The following TNIK variants were observed in gnomAD, a reference collection of about 807,000 sequenced individuals.
The protein encoded by TNIK is TRAF2 and NCK-interacting protein kinase.
In TNIK, 49 loss-of-function variants were observed where a neutral mutation model predicts 191.3. The observed-to-expected ratio is 0.26, with a 90% CI of 0.20 to 0.32. The LOEUF is 0.32. Ranked by LOEUF, TNIK falls within the 10% of genes least tolerant of loss-of-function variation. TNIK has a pLI of 1.00. For missense variants in TNIK, 1,155 were observed against 1,702.3 expected, an observed-to-expected ratio of 0.68 and a Z score of 5.66; for synonymous variants, 594 against 600.9, an observed-to-expected ratio of 0.99 and a Z score of 0.17.
chr3:171,109,687 T>C (rs1725544573), intron 19 of TNIK, among the ~76,000 whole-genome samples: 1 of 152,216 alleles, frequency 6.6e-6, no homozygotes. Flanking sequence ...AAAGTACTGG[T>C]CTTCATCACT....
At chr3:171,396,371 A>T (rs1720255586) in intron 1 of TNIK, among the ~76,000 whole-genome samples, 1 of 152,174 alleles carries the variant, frequency 6.6e-6, no homozygotes, top group African/African-American at 2.4e-5. Context: ...TGGACATTGT[A>T]TTGTTTCTGT....
At chr3:171,244,150 C>T (rs1210630322) in intron 2 of TNIK, among the ~76,000 whole-genome samples, 11 of 151,604 alleles carry the variant, frequency 7.3e-5, no homozygotes, top group East Asian at 1.9e-4. Context: ...CTGCAAGCTC[C>T]GCCTCCCGGG....
intron 1 of TNIK, among the ~76,000 whole-genome samples, chr3:171,434,415 T>C (rs1725759958): frequency 6.6e-6 from 1 of 151,830 alleles, no homozygotes; most frequent in South Asian, 2.1e-4. Context: ...ATGACAAGGT[T>C]GTCCCTGTCA....
Position 171,372,955 on chromosome 3 carries a change from G to T in TNIK, c.58-3270C>A, listed in dbSNP as rs1004699370. ...AAGGAGGGGGCTCTTTGAAACCCTA[G>T]ATATGGAAGTCAGAGGTATTATTCA... On this transcript the variant is annotated intron_variant, in intron 1 of 32. Coordinates refer to ENST00000436636, the MANE Select transcript of TNIK (RefSeq NM_015028.4). 1.6e-4 allele frequency among the ~76,000 whole-genome samples: 24 copies of T among 152,288 alleles called. No individual in the cohort carries two copies. In the East Asian group the frequency reaches 2.3e-3, roughly 15 times the overall value.
chr3:171,104,961 A>G (rs1488594207), intron 21 of TNIK, among the ~76,000 whole-genome samples: 2 of 149,668 alleles, frequency 1.3e-5, no homozygotes, highest in East Asian at 3.8e-4. Flanking sequence ...TTGTGCCAAC[A>G]GAGAAAACCC....
At chr3:171,190,247 G>A (rs904844147) in intron 6 of TNIK, among the ~76,000 whole-genome samples, 1 of 152,172 alleles carries the variant, frequency 6.6e-6, no homozygotes, top group Non-Finnish European at 1.5e-5. Flanking sequence ...TTGCACGGGA[G>A]CCCAAGGTAA....
chr3:171,283,189 G>A (rs16856109), intron 2 of TNIK, among the ~76,000 whole-genome samples: 9,077 of 148,664 alleles, frequency 0.061, 319 homozygotes, highest in Middle Eastern at 0.12. Flanking sequence ...CTCATGTAAT[G>A]TTAGCAACTG....
chr3:171,412,185 G>A (rs966272341), intron 1 of TNIK, among the ~76,000 whole-genome samples: 4 of 152,168 alleles, frequency 2.6e-5, no homozygotes, highest in African/African-American at 9.7e-5. Flanking sequence ...ATGACAGGCA[G>A]ACATCAAGTT....
At chr3:171,155,014 T>C (rs949362015) in intron 12 of TNIK, among the ~76,000 whole-genome samples, 2 of 152,218 alleles carry the variant, frequency 1.3e-5, no homozygotes, top group Admixed American at 1.3e-4. Flanking sequence ...AGGGCTTCCT[T>C]AGAAACCCTC....
Position 171,334,874 on chromosome 3 carries a change from TC to T in TNIK, c.123+34745del, listed in dbSNP as rs1458647923. Among the ~76,000 whole-genome samples the T allele has an allele frequency of 7.9e-4, 73 of 92,150 alleles. No individual in the cohort carries two copies. In the East Asian group the frequency reaches 0.01, roughly 13 times the overall value. 60.5% of individuals were successfully genotyped at this position (92,150 alleles called of 152,430 possible). On this transcript the variant is annotated intron_variant, in intron 2 of 32. Transcript: ENST00000436636. ...CCTGTATAGTTGATCTTTATAAGTT[TC>T]TTTTTTTTTTTTTTACCATAAACTG... is the stretch of plus-strand genomic sequence containing the variant.
intron 1 of TNIK, among the ~76,000 whole-genome samples, chr3:171,428,885 C>T (rs1038584727): frequency 6.6e-6 from 1 of 152,286 alleles, no homozygotes; most frequent in Admixed American, 6.5e-5. Context: ...ACACAGCATC[C>T]TCTGAATTCT....
At chr3:171,212,168 CCT>C (rs1740911783) in intron 3 of TNIK, among the ~76,000 whole-genome samples, 1 of 152,060 alleles carries the variant, frequency 6.6e-6, no homozygotes. Context: ...CATGGTGTCC[CCT>C]GTCTGTACCC....
rs762300815 is a variant in TNIK at position 171,161,362 on chromosome 3, T to C, written c.950-26A>G. 6.8e-6 allele frequency: 11 copies of C among 1,606,018 alleles called. No individual in the cohort carries two copies. In the Admixed American group the frequency reaches 1.7e-4, roughly 25 times the overall value. ...CTGAAGAAAGATCCCAGCATGTTAG[T>C]GCACAAAAAGATGCTATGGCTCAGT... On this transcript the variant is annotated intron_variant, in intron 10 of 32. Transcript: ENST00000436636.
rs1577410236 is a variant in TNIK, at chr3:171,304,589, A to G, written c.123+65031T>C. Among the ~76,000 whole-genome samples, 5 of 152,348 alleles carry G rather than the reference A, an allele frequency of 3.3e-5. No homozygotes were observed. In the South Asian group the frequency reaches 1.0e-3, roughly 32 times the overall value. On this transcript the variant is annotated intron_variant, in intron 2 of 32. Transcript: ENST00000436636. ...TGTTTATTGCGGCACTATTCACAATAGCAAAGACTTGGAACCAACCCAAAT... is the reference window on the plus strand; with the variant it reads ...TGTTTATTGCGGCACTATTCACAATGGCAAAGACTTGGAACCAACCCAAAT...
At chr3:171,085,277 A>G (rs1721201786) in intron 24 of TNIK, 48 bp from the exon 25 acceptor site, 5 of 1,503,366 alleles carry the variant, frequency 3.3e-6, no homozygotes, top group Non-Finnish European at 3.6e-6. Flanking sequence ...ATACTGCAGG[A>G]ATAACAATGC....
intron 7 of TNIK, among the ~76,000 whole-genome samples, chr3:171,188,271 C>T (rs920401825): frequency 6.6e-6 from 1 of 152,144 alleles, no homozygotes; most frequent in African/African-American, 2.4e-5. Context: ...GATAATTATA[C>T]TTCGAGCATT....
At chr3:171,385,851 G>C (rs1459477608) in intron 1 of TNIK, among the ~76,000 whole-genome samples, 1 of 152,154 alleles carries the variant, frequency 6.6e-6, no homozygotes, top group East Asian at 1.9e-4. Flanking sequence ...AAGGCAAATG[G>C]ATTTCAAGTA....
chr3:171,452,776 G>A lies in TNIK; in HGVS notation c.57+7231C>T, dbSNP rs536651758. 8.8e-5 allele frequency among the ~76,000 whole-genome samples: 12 copies of A among 136,590 alleles called. No individual in the cohort carries two copies. The South Asian group carries it at 9.3e-4, about 11-fold the overall frequency. The allele number at this position is 136,590 out of a possible 152,430, so 89.6% of individuals were successfully genotyped here. ...CACACACACACACACACACACATAC[G>A]CCTTGCAATTCTAACCCATGGTATT... is the stretch of plus-strand genomic sequence containing the variant. On this transcript the variant is annotated intron_variant, in intron 1 of 32. Coordinates refer to ENST00000436636, the MANE Select transcript of TNIK (RefSeq NM_015028.4).
chr3:171,198,742 A>G (rs1369338718), intron 4 of TNIK, among the ~76,000 whole-genome samples: 2 of 152,192 alleles, frequency 1.3e-5, no homozygotes, highest in African/African-American at 4.8e-5. Flanking sequence ...CCACAATACA[A>G]AGTTAAAGAA....
Sources: gnomAD v4.1 joint callset for allele counts (sites outside exome capture counted in the v4.1 genomes callset) on GRCh38, gnomAD v4.1.1 for gene constraint, MANE v1.5 for transcripts, NCBI Gene and HGNC (gene_info 2026-07-23, HGNC 2026-07-21) for gene names.